Variants in CTNND2 observed in about 807,000 individuals in gnomAD.
The protein encoded by CTNND2 is catenin delta 2, also known as catenin delta-2.
CTNND2 carries 22 observed loss-of-function variants against 144.4 expected under a neutral mutation model. That is an observed-to-expected ratio of 0.15 (90% CI 0.11 to 0.22). The LOEUF (loss-of-function observed/expected upper bound fraction) is 0.22, where lower values mean the gene tolerates loss of function less well. Among genes scored for constraint, CTNND2 ranks in the 10% least tolerant of loss-of-function variants. The pLI is 1.00. For synonymous variants in CTNND2, 751 were observed against 695.6 expected (o/e 1.08, Z -1.25); for missense variants, 1,353 against 1,618.8 (o/e 0.84, Z 2.82).
chr5:11,409,491 G>T (rs565581040), intron 5 of CTNND2, among the ~76,000 whole-genome samples: 2 of 151,966 alleles, frequency 1.3e-5, no homozygotes, highest in Admixed American at 1.3e-4. Flanking sequence ...TTCATGAGAC[G>T]TGCATTCAAA....
chr5:11,353,252 C>T (rs1472456256), intron 8 of CTNND2, among the ~76,000 whole-genome samples: 1 of 152,054 alleles, frequency 6.6e-6, no homozygotes, highest in Non-Finnish European at 1.5e-5. Context: ...TAACATCATC[C>T]TCATTAGGTC....
intron 2 of CTNND2, among the ~76,000 whole-genome samples, chr5:11,624,390 G>C (rs914490140): frequency 3.3e-5 from 5 of 152,076 alleles, no homozygotes. Context: ...TGTGAAATGT[G>C]AGTATCTCTA....
chr5:11,756,647 T>TAC (rs56310010), intron 1 of CTNND2, among the ~76,000 whole-genome samples: 142 of 149,702 alleles, frequency 9.5e-4, no homozygotes, highest in African/African-American at 3.1e-3. Flanking sequence ...CACACATACA[T>TAC]ACACACACAC....
At chr5:11,440,630 A>G (rs1009485072) in intron 3 of CTNND2, among the ~76,000 whole-genome samples, 3 of 152,218 alleles carry the variant, frequency 2.0e-5, no homozygotes, top group Admixed American at 2.0e-4. Flanking sequence ...TTGATTTCCT[A>G]CTACTATTTG....
intron 3 of CTNND2, among the ~76,000 whole-genome samples, chr5:11,469,456 G>A (rs1436089753): frequency 6.6e-6 from 1 of 152,262 alleles, no homozygotes; most frequent in African/African-American, 2.4e-5. Context: ...AGCACAGAAA[G>A]GCATAACACT....
At chr5:11,230,130 C>G (rs1456495255) in intron 10 of CTNND2, among the ~76,000 whole-genome samples, 1 of 147,084 alleles carries the variant, frequency 6.8e-6, no homozygotes, top group Non-Finnish European at 1.5e-5. Context: ...AAAAACCAAA[C>G]ACCACATATT....
At chr5:11,440,236 C>T (rs1340087517) in intron 3 of CTNND2, among the ~76,000 whole-genome samples, 1 of 152,212 alleles carries the variant, frequency 6.6e-6, no homozygotes, top group East Asian at 1.9e-4. Flanking sequence ...TAAACAGTGT[C>T]TAGCTGATGT....
intron 15 of CTNND2, among the ~76,000 whole-genome samples, chr5:11,093,054 A>G (rs577668695): frequency 7.2e-5 from 11 of 152,228 alleles, no homozygotes; most frequent in Non-Finnish European, 1.3e-4. Flanking sequence ...CCATGTTGCT[A>G]TTACGTTAGC....
At chr5:11,519,756 G>A (rs1345201384) in intron 3 of CTNND2, among the ~76,000 whole-genome samples, 2 of 151,232 alleles carry the variant, frequency 1.3e-5, no homozygotes, top group African/African-American at 4.8e-5. Context: ...AGGAAGGAAG[G>A]TAGGTAGGTA....
intron 1 of CTNND2, among the ~76,000 whole-genome samples, chr5:11,803,373 A>T (rs1249944857): frequency 6.6e-6 from 1 of 152,150 alleles, no homozygotes; most frequent in Non-Finnish European, 1.5e-5. Context: ...GTCACTGAGA[A>T]ATTTAACTTT....
intron 18 of CTNND2, among the ~76,000 whole-genome samples, chr5:11,004,117 G>A (rs1463360638): frequency 6.6e-6 from 1 of 152,174 alleles, no homozygotes; most frequent in Non-Finnish European, 1.5e-5. Context: ...GGTACCAATG[G>A]AATGCAAAAA....
At chr5:11,678,504 TAAG>T (rs1379646149) in intron 2 of CTNND2, among the ~76,000 whole-genome samples, 1 of 152,108 alleles carries the variant, frequency 6.6e-6, no homozygotes, top group African/African-American at 2.4e-5. Context: ...TCCATTGAAA[TAAG>T]GAGGACTAAT....
intron 9 of CTNND2, among the ~76,000 whole-genome samples, chr5:11,303,479 T>C (rs1292539351): frequency 6.6e-6 from 1 of 152,162 alleles, no homozygotes; most frequent in Non-Finnish European, 1.5e-5. Context: ...GATGATACTA[T>C]TACTCCTTTC....
chr5:11,821,275 A>G (rs1436591305), intron 1 of CTNND2, among the ~76,000 whole-genome samples: 1 of 152,208 alleles, frequency 6.6e-6, no homozygotes, highest in African/African-American at 2.4e-5. Flanking sequence ...CTGATGTTAC[A>G]TAAACTGAAG....
At chr5:11,757,203 A>AT (rs1491317271) in intron 1 of CTNND2, among the ~76,000 whole-genome samples, 1 of 149,008 alleles carries the variant, frequency 6.7e-6, no homozygotes, top group Non-Finnish European at 1.5e-5. Flanking sequence ...ACACACACAC[A>AT]TAACAAAAAT....
rs141626404 is a variant in CTNND2 at position 11,783,549 on chromosome 5, TG to T, written c.38-51278del. On this transcript the variant is annotated intron_variant, in intron 1 of 21. Coordinates refer to ENST00000304623, the MANE Select transcript of CTNND2 (RefSeq NM_001332.4). ...TTCTCCAATGTCCACTAGACCAGCT[TG>T]GTTTTTCATAATGGTTTTTAGGTAT... is the stretch of plus-strand genomic sequence containing the variant. Among the ~76,000 whole-genome samples, 910 of 152,160 alleles carry T rather than the reference TG, an allele frequency of 6.0e-3. 8 individuals are homozygous for T. Among genetic ancestry groups the T allele is most frequent in the African/African-American group, 0.02 (851 of 41,544 alleles).
At chr5:11,715,033 T>C (rs955258774) in intron 2 of CTNND2, among the ~76,000 whole-genome samples, 5 of 152,220 alleles carry the variant, frequency 3.3e-5, no homozygotes, top group Admixed American at 6.5e-5. Context: ...ATAATACTTA[T>C]GTAAAAATAA....
intron 18 of CTNND2, among the ~76,000 whole-genome samples, chr5:10,993,825 A>G (rs1344361684): frequency 1.3e-5 from 2 of 152,200 alleles, no homozygotes; most frequent in East Asian, 3.9e-4. Context: ...AATAAGAATT[A>G]GGAACATGGA....
intron 12 of CTNND2, among the ~76,000 whole-genome samples, chr5:11,142,900 C>A (rs1756882532): frequency 1.3e-5 from 2 of 152,124 alleles, no homozygotes; most frequent in Non-Finnish European, 2.9e-5. Flanking sequence ...AATTTAAACT[C>A]TTTTATTAGC....
Sources: gnomAD v4.1 joint callset for allele counts (sites outside exome capture counted in the v4.1 genomes callset) on GRCh38, gnomAD v4.1.1 for gene constraint, MANE v1.5 for transcripts, NCBI Gene and HGNC (gene_info 2026-07-23, HGNC 2026-07-21) for gene names.